PCSK9: variants seen among roughly 807,000 people sequenced by gnomAD.
PCSK9 encodes the protein convertase subtilisin/kexin type 9 preproprotein.
A neutral mutation model predicts 62.1 loss-of-function variants in PCSK9; 57 were observed. The observed-to-expected ratio is 0.92, with a 90% CI of 0.74 to 1.14. The LOEUF (loss-of-function observed/expected upper bound fraction) is 1.14, where lower values mean the gene tolerates loss of function less well. Among genes scored for constraint, PCSK9 ranks in the 50% most tolerant of loss-of-function variants. The probability of loss-of-function intolerance (pLI) is 0.00; values close to 1 mark genes in which losing one functional copy is unlikely to be tolerated. For synonymous variants in PCSK9, 387 were observed against 409.4 expected (o/e 0.95, Z 0.66); for missense variants, 870 against 959.8 (o/e 0.91, Z 1.24).
At chr1:55,055,443 C>T (rs1417208141) in intron 5 of PCSK9, among the ~76,000 whole-genome samples, 2 of 152,130 alleles carry the variant, frequency 1.3e-5, no homozygotes, top group African/African-American at 4.8e-5. Context: ...TTCGTATATT[C>T]AGACGCTTAG....
chr1:55,063,197 G>A (rs1179840922), intron 11 of PCSK9, among the ~76,000 whole-genome samples, 172 bp from the exon 12 acceptor site: 1 of 152,120 alleles, frequency 6.6e-6, no homozygotes, highest in Admixed American at 6.5e-5. Context: ...AGAACCGCCT[G>A]GGTGGGAGGT....
chr1:55,059,687 G>T (rs1231635203), intron 10 of PCSK9, 24 bp downstream of exon 10: 1 of 1,546,984 alleles, frequency 6.5e-7, no homozygotes, highest in South Asian at 1.2e-5. Flanking sequence ...CTTGCCCTGG[G>T]GTGAGGAGGG....
chr1:55,041,050 T>C (rs1436402469), intron 1 of PCSK9, among the ~76,000 whole-genome samples: 4 of 152,214 alleles, frequency 2.6e-5, no homozygotes, highest in Non-Finnish European at 4.4e-5. Flanking sequence ...GAGCCTCCAT[T>C]GCCTAATCTT....
chr1:55,058,242 C>A (rs1316904250), intron 8 of PCSK9, 33 bp downstream of exon 8: 3 of 1,604,692 alleles, frequency 1.9e-6, no homozygotes, highest in South Asian at 2.2e-5. Flanking sequence ...CAAGTCCAGG[C>A]TGGGGCTTGG....
chr1:55,046,391 G>T, intron 2 of PCSK9, 132 bp from the exon 3 acceptor site: 1 of 1,385,614 alleles, frequency 7.2e-7, no homozygotes, highest in South Asian at 1.2e-5. Flanking sequence ...CGGGGCACTA[G>T]CAGGGACAAG....
In PCSK9 at chr1:55,058,221, G is replaced by A. The variant is rs962890462; in HGVS notation, c.1354+12G>A. 11 of 1,609,424 alleles carry A rather than the reference G, an allele frequency of 6.8e-6. No individual in the cohort carries two copies. The Admixed American group carries it at 1.3e-4, about 20-fold the overall frequency. On this transcript the variant is annotated intron_variant, in intron 8 of 11. Coordinates refer to ENST00000302118, the MANE Select transcript of PCSK9 (RefSeq NM_174936.4). ...CACCCATGGGGCAGGTAAGCAGGAT[G>A]GCAGGGTGGGCAAGTCCAGGCTGGG...
rs1644722756 is a variant in PCSK9, at chr1:55,057,337, ACAGTTGGGGCCACCAATGCCCAAGAC to A, written c.1007_1032del (p.Val336AlafsTer82). 2.5e-6 allele frequency: 4 copies of A among 1,613,740 alleles called. No individual in the cohort carries two copies. The highest frequency in any genetic ancestry group is 3.4e-6 in the Non-Finnish European group (4 of 1,179,884). On this transcript the variant is annotated frameshift_variant, in exon 7 of 12. Transcript: ENST00000302118. LOFTEE classifies it high-confidence loss of function. ...CACCTCCTCACCTTTCCAGGTCATC[ACAGTTGGGGCCACCAATGCCCAAGAC>A]CAGCCGGTGACCCTGGGGACTTTGG...
chr1:55,047,336 T>C (rs1387929501), intron 3 of PCSK9, among the ~76,000 whole-genome samples: 1 of 152,142 alleles, frequency 6.6e-6, no homozygotes, highest in Non-Finnish European at 1.5e-5. Flanking sequence ...TGTGTTAAGT[T>C]TGAGGTGCCC....
At position 55,059,615 on chromosome 1, in the gene PCSK9, A is replaced by G. The variant is rs1644743496; in HGVS notation, c.1633A>G (p.Ser545Gly). Reference protein sequence around the residue: ...SVHTAPPAEASMGTRVHCHQQ... With the variant: ...SVHTAPPAEAGMGTRVHCHQQ... Reference sequence around the variant, plus strand: ...CCACACAGCTCCACCAGCTGAGGCCAGCATGGGGACCCGTGTCCACTGCCA... The same window carrying G: ...CCACACAGCTCCACCAGCTGAGGCCGGCATGGGGACCCGTGTCCACTGCCA... The change falls in exon 10 of 12, where the codon AGC becomes GGC. Residue 545 changes from serine (S) to glycine (G), a missense_variant. By Grantham distance (56) the Ser-to-Gly change is moderately conservative (BLOSUM62 0). Transcript: ENST00000302118. The G allele has an allele frequency of 6.4e-7, 1 of 1,552,450 alleles. No homozygotes were observed. Among genetic ancestry groups the G allele is most frequent in the Admixed American group, 2.0e-5 (1 of 51,074 alleles).
intron 11 of PCSK9, among the ~76,000 whole-genome samples, chr1:55,062,762 T>C (rs498588): frequency 0.97 from 148,416 of 152,276 alleles, 72,436 homozygotes; most frequent in East Asian, 1. Context: ...GACCTGAGGG[T>C]CACAGTCAGC....
chr1:55,045,132 G>C (rs937620571), intron 2 of PCSK9, among the ~76,000 whole-genome samples: 4 of 147,378 alleles, frequency 2.7e-5, no homozygotes, highest in Admixed American at 2.7e-4. Context: ...CTCAGCCTTG[G>C]GGAGAGACGA....
intron 3 of PCSK9, among the ~76,000 whole-genome samples, chr1:55,047,496 T>G (rs12066265): frequency 6.6e-6 from 1 of 152,168 alleles, no homozygotes; most frequent in Non-Finnish European, 1.5e-5. Context: ...TTCTATGAGC[T>G]TTGTCGTTCT....
chr1:55,051,485 C>G (rs1012940634), intron 3 of PCSK9: 2 of 321,464 alleles, frequency 6.2e-6, no homozygotes, highest in Non-Finnish European at 1.2e-5. Context: ...TTCTTCCTCT[C>G]TCCCTTCTCC....
At position 55,061,443 on chromosome 1, in the gene PCSK9, C is replaced by G; in HGVS notation, c.1750C>G (p.Gln584Glu). 1 of 1,609,656 alleles carries G rather than the reference C, an allele frequency of 6.2e-7. No homozygotes were observed. The highest frequency in any genetic ancestry group is 1.7e-4 in the Middle Eastern group (1 of 6,038). ...HKPPVLRPRG[Q>E]PNQCVGHREA... ...GCCGCCTGTGCTGAGGCCACGAGGTCAGCCCAACCAGTGCGTGGGCCACAG... is the reference window on the plus strand; with the variant it reads ...GCCGCCTGTGCTGAGGCCACGAGGTGAGCCCAACCAGTGCGTGGGCCACAG... Residue 584 changes from glutamine to glutamate, a missense_variant, in exon 11 of 12, where the codon CAG (glutamine) becomes GAG (glutamate). Gln to Glu is a conservative substitution (Grantham distance 29). Transcript: ENST00000302118.
chr1:55,047,754 A>T (rs1644644488), intron 3 of PCSK9, among the ~76,000 whole-genome samples: 1 of 152,328 alleles, frequency 6.6e-6, no homozygotes, highest in South Asian at 2.1e-4. Flanking sequence ...CAAGGGTGGC[A>T]GCAGCAGAAG....
In PCSK9 at chr1:55,040,911, T is replaced by C. The variant is rs1206808234; in HGVS notation, c.207+867T>C. Among the ~76,000 whole-genome samples the C allele has an allele frequency of 6.6e-6, 1 of 152,220 alleles. No homozygotes were observed. Among genetic ancestry groups the C allele is most frequent in the Non-Finnish European group, 1.5e-5 (1 of 68,040 alleles). ...AAGCTTCTTCCCGGGGCGAGACCACTAGCTTTTTCTAAGTATTACCAGCCC... is the reference window on the plus strand; with the variant it reads ...AAGCTTCTTCCCGGGGCGAGACCACCAGCTTTTTCTAAGTATTACCAGCCC... On this transcript the variant is annotated intron_variant, in intron 1 of 11. Coordinates refer to ENST00000302118, the MANE Select transcript of PCSK9 (RefSeq NM_174936.4). This position sits in a 1 kb window ranked among gnomAD's most constrained non-coding sequence, Gnocchi z 4.1.
chr1:55,054,209 C>A (rs1322723211), intron 5 of PCSK9, among the ~76,000 whole-genome samples: 3 of 152,074 alleles, frequency 2.0e-5, no homozygotes, highest in South Asian at 2.1e-4. Flanking sequence ...CATGGTGAAA[C>A]CCCGTCTCTA....
intron 2 of PCSK9, 128 bp from the exon 3 acceptor site, chr1:55,046,395 G>C: frequency 7.0e-7 from 1 of 1,420,288 alleles, no homozygotes; most frequent in South Asian, 1.2e-5. Context: ...GCACTAGCAG[G>C]GACAAGGTGG....
chr1:55,052,984 G>A (rs1047000328), intron 5 of PCSK9, among the ~76,000 whole-genome samples, 193 bp downstream of exon 5: 2 of 152,194 alleles, frequency 1.3e-5, no homozygotes, highest in Non-Finnish European at 2.9e-5. Flanking sequence ...AGAAACCCAG[G>A]CCCCAAGAGG....
Sources: allele counts gnomAD v4.1 joint callset (sites outside exome capture counted in the v4.1 genomes callset), GRCh38; gene constraint gnomAD v4.1.1; non-coding constraint Gnocchi (gnomAD v3.1); transcripts MANE v1.5; gene names NCBI Gene and HGNC (gene_info 2026-07-23, HGNC 2026-07-21).